The following JHY variants were observed in gnomAD, a reference collection of about 807,000 sequenced individuals.
JHY encodes junctional cadherin complex regulator, also known as jhy protein homolog.
JHY carries 69 observed loss-of-function variants against 78.0 expected under a neutral mutation model. That is an observed-to-expected ratio of 0.88 (90% confidence interval 0.73 to 1.08). JHY has a LOEUF of 1.08. Ranked by LOEUF, JHY falls within the 50% of genes least tolerant of loss-of-function variation. The probability of loss-of-function intolerance (pLI) is 0.00; values close to 1 mark genes in which losing one functional copy is unlikely to be tolerated. For synonymous variants in JHY, 368 were observed against 342.6 expected, an observed-to-expected ratio of 1.07 and a Z score of -0.82; for missense variants, 944 against 927.8, an observed-to-expected ratio of 1.02 and a Z score of -0.23.
In JHY at chr11:122,883,495, C is replaced by T. The variant is rs1373903315; in HGVS notation, c.-90+523C>T. Among the ~76,000 whole-genome samples the T allele has an allele frequency of 6.6e-6, 1 of 152,164 alleles. No homozygotes were observed. The highest frequency in any genetic ancestry group is 2.4e-5 in the African/African-American group (1 of 41,424). On this transcript the variant is annotated intron_variant, in intron 1 of 8. Coordinates refer to ENST00000227349, the MANE Select transcript of JHY (RefSeq NM_024806.4). The surrounding 1 kb of genome is among the most constrained non-coding windows in gnomAD (Gnocchi z 4.4). ...GGGATCCCTGGGGAGCTGGCCGCTT[C>T]TTAGTCCCTAGGTGCCATCGGATCT...
intron 2 of JHY, among the ~76,000 whole-genome samples, chr11:122,895,277 CAT>C (rs142777781): frequency 0.016 from 2,418 of 152,308 alleles, 30 homozygotes; most frequent in Middle Eastern, 0.031. Context: ...TCAATAATAA[CAT>C]GTGCAGTTTC....
chr11:122,946,696 C>T lies in JHY; in HGVS notation c.1833C>T (p.Ser611=). ...ESESQLSSER[S]QRNQVKISRS... ...AATCCCAACTCAGTTCAGAGAGAAG[C>T]CAAAGAAACCAAGTGAAAATTAGCC... The change falls in exon 6 of 9, where the codon AGC becomes AGT. Residue 611 remains serine (S), a synonymous_variant. Transcript: ENST00000227349. 1.2e-6 allele frequency: 2 copies of T among 1,613,928 alleles called. No homozygotes were observed. Among genetic ancestry groups the T allele is most frequent in the East Asian group, 4.5e-5 (2 of 44,864 alleles).
At chr11:122,949,905 C>T (rs1200078172) in intron 6 of JHY, among the ~76,000 whole-genome samples, 1 of 149,972 alleles carries the variant, frequency 6.7e-6, no homozygotes, top group African/African-American at 2.5e-5. Flanking sequence ...GAAGCAATCT[C>T]GGCTCACTGC....
Position 122,962,803 on chromosome 11 carries a change from G to A in JHY, c.*3358G>A, listed in dbSNP as rs950714042. On this transcript the variant is annotated 3_prime_UTR_variant, in exon 9 of 9. Coordinates refer to ENST00000227349, the MANE Select transcript of JHY (RefSeq NM_024806.4). ...GTTTTTCAGAAGATGAAATGGAGGT[G>A]AAGAGAAAGGTTACATGACTCGGAA... 1.3e-4 allele frequency among the ~76,000 whole-genome samples: 20 copies of A among 152,312 alleles called. No individual in the cohort carries two copies. Among genetic ancestry groups the A allele is most frequent in the African/African-American group, 4.8e-4 (20 of 41,572 alleles).
chr11:122,961,778 G>A lies in JHY; in HGVS notation c.*2333G>A, dbSNP rs1864321503. 6.6e-6 allele frequency among the ~76,000 whole-genome samples: 1 copy of A among 152,072 alleles called. No homozygotes were observed. The highest frequency in any genetic ancestry group is 6.6e-5 in the Admixed American group (1 of 15,254). On this transcript the variant is annotated 3_prime_UTR_variant, in exon 9 of 9. Transcript: ENST00000227349. Reference sequence around the variant, plus strand: ...TCTTGCAATAAAGTGACAATTGAATGAAACACAAATAAATAAAGAATAAAG... The same window carrying A: ...TCTTGCAATAAAGTGACAATTGAATAAAACACAAATAAATAAAGAATAAAG...
In JHY at chr11:122,934,832, T is replaced by G; in HGVS notation, c.1391T>G (p.Leu464Arg). The change falls in exon 5 of 9, where the codon CTG becomes CGG. Residue 464 changes from leucine (L) to arginine (R), a missense_variant. Physicochemically the swap from Leu to Arg is moderately radical, Grantham distance 102. Coordinates refer to ENST00000227349, the MANE Select transcript of JHY (RefSeq NM_024806.4). The part of the protein sequence containing the change: ...SKNSTGCDSG[L>R]NVNKERGHKD... ...AACTCTACTGGATGTGACTCTGGGC[T>G]GAATGTTAATAAAGAAAGAGGACAC... 6.2e-7 allele frequency: 1 copy of G among 1,614,078 alleles called. No individual in the cohort carries two copies. Among genetic ancestry groups the G allele is most frequent in the Non-Finnish European group, 8.5e-7 (1 of 1,180,016 alleles).
rs777542054 is a variant in JHY, at chr11:122,904,400, C to T, written c.820C>T (p.Leu274Phe). 15 of 1,613,850 alleles carry T rather than the reference C, an allele frequency of 9.3e-6. No homozygotes were observed. Among genetic ancestry groups the T allele is most frequent in the Non-Finnish European group, 1.2e-5 (14 of 1,179,830 alleles). ...GLPTPKTDSY[L>F]QLHNKKRGES... The stretch of plus-strand genomic sequence containing the variant: ...ACCCACCCCGAAAACGGACTCTTAT[C>T]TTCAACTTCACAATAAAAAAAGAGG... The change falls in exon 3 of 9, where the codon CTT (leucine) becomes TTT (phenylalanine). Residue 274 changes from leucine (L) to phenylalanine (F), a missense_variant. Transcript: ENST00000227349.
intron 4 of JHY, 115 bp from the exon 5 acceptor site, chr11:122,934,305 C>T: frequency 1.8e-6 from 1 of 545,488 alleles, no homozygotes; most frequent in Non-Finnish European, 2.5e-6. Context: ...GACAGTGAGA[C>T]TCCGTCTCAA....
rs534708802 is a variant in JHY, at chr11:122,932,271, C to A, written c.979-2149C>A. On this transcript the variant is annotated intron_variant, in intron 4 of 8. Transcript: ENST00000227349. ...ATCAAGCCCATAAATGGCTTCCTTT[C>A]TGGGGACTGAAATGCCATCTCTGGG... 3.9e-5 allele frequency among the ~76,000 whole-genome samples: 6 copies of A among 152,250 alleles called. No individual in the cohort carries two copies. The South Asian group carries it at 6.2e-4, about 16-fold the overall frequency.
intron 6 of JHY, among the ~76,000 whole-genome samples, chr11:122,952,685 GTGTCT>G (rs568198312): frequency 1.3e-5 from 2 of 152,328 alleles, no homozygotes; most frequent in South Asian, 4.1e-4. Context: ...GCATCACAAT[GTGTCT>G]TTTGTAAGTC....
chr11:122,927,552 T>G (rs7115198), intron 4 of JHY, among the ~76,000 whole-genome samples: 35,456 of 151,878 alleles, frequency 0.23, 4,661 homozygotes, highest in Non-Finnish European at 0.3. Flanking sequence ...GTCCAATGCC[T>G]TCTTTTTAGT....
intron 6 of JHY, among the ~76,000 whole-genome samples, chr11:122,947,719 G>A (rs1177016693): frequency 1.3e-5 from 2 of 152,178 alleles, no homozygotes; most frequent in African/African-American, 2.4e-5. Flanking sequence ...CATGCAGGAG[G>A]TCTCTAGACT....
At chr11:122,922,609 G>C (rs1395504085) in intron 3 of JHY, among the ~76,000 whole-genome samples, 3 of 151,902 alleles carry the variant, frequency 2.0e-5, no homozygotes, top group Admixed American at 2.0e-4. Context: ...AGGAGATAGA[G>C]ACCATCCTGG....
Position 122,885,916 on chromosome 11 carries a change from G to A in JHY, c.67G>A (p.Val23Ile). Residue 23 changes from valine to isoleucine, a missense_variant, in exon 2 of 9, where the codon GTC (valine) becomes ATC (isoleucine). Transcript: ENST00000227349. ...TCCTGTCCTTCATACCAACTTAAAT[G>A]TCCAGTCCACACACCCACCTTTGAA... ...QSPVLHTNLN[V>I]QSTHPPLKKE... is the part of the protein sequence containing the mutation. 6.2e-7 allele frequency: 1 copy of A among 1,614,028 alleles called. No homozygotes were observed. Among genetic ancestry groups the A allele is most frequent in the South Asian group, 1.1e-5 (1 of 91,064 alleles).
Position 122,886,181 on chromosome 11 carries a change from G to T in JHY, c.332G>T (p.Gly111Val). 6.2e-7 allele frequency: 1 copy of T among 1,610,624 alleles called. No individual in the cohort carries two copies. Among genetic ancestry groups the T allele is most frequent in the South Asian group, 1.1e-5 (1 of 90,774 alleles). The change falls in exon 2 of 9, where the codon GGC becomes GTC. Residue 111 changes from glycine to valine, a missense_variant. By Grantham distance (109) the Gly-to-Val change is moderately radical (BLOSUM62 -3). Transcript: ENST00000227349. ...CAAAACCACCATACCTGGGACCAGG[G>T]CGCCAATAACAGGTAAGGAATTGGC... ...REQNHHTWDQ[G>V]ANNRQQPIED... is the part of the protein sequence containing the mutation.
At position 122,885,935 on chromosome 11, in the gene JHY, C is replaced by A; in HGVS notation, c.86C>A (p.Pro29His). The A allele has an allele frequency of 6.2e-7, 1 of 1,614,128 alleles. No homozygotes were observed. Among genetic ancestry groups the A allele is most frequent in the African/African-American group, 1.3e-5 (1 of 75,034 alleles). Residue 29 changes from proline to histidine, a missense_variant, in exon 2 of 9, where the codon CCT becomes CAT. Pro to His is a moderately conservative substitution (Grantham distance 77). Coordinates refer to ENST00000227349, the MANE Select transcript of JHY (RefSeq NM_024806.4). ...TNLNVQSTHP[P>H]LKKEDLHRIS... ...TTAAATGTCCAGTCCACACACCCAC[C>A]TTTGAAGAAAGAAGACTTACATCGG...
Position 122,934,491 on chromosome 11 carries a change from C to T in JHY, c.1050C>T (p.Asp350=). 6.2e-7 allele frequency: 1 copy of T among 1,613,914 alleles called. No individual in the cohort carries two copies. The highest frequency in any genetic ancestry group is 8.5e-7 in the Non-Finnish European group (1 of 1,179,862). Residue 350 remains aspartate (D), a synonymous_variant, in exon 5 of 9, where the codon GAC becomes GAT. Transcript: ENST00000227349. The stretch of plus-strand genomic sequence containing the variant: ...ATGTACCAAGAGGGCAACCTTCTGA[C>T]ATGGTGAATGACCATCAACCTTCCA... ...SSNVPRGQPS[D]MVNDHQPSRR...
intron 2 of JHY, among the ~76,000 whole-genome samples, chr11:122,887,815 G>GT (rs1031104117): frequency 1.5e-3 from 221 of 152,246 alleles, no homozygotes; most frequent in African/African-American, 5.0e-3. Context: ...AATAGACTGA[G>GT]TAGGGGTCTG....
intron 5 of JHY, among the ~76,000 whole-genome samples, chr11:122,942,831 A>G (rs976121895): frequency 2.0e-5 from 3 of 152,012 alleles, no homozygotes; most frequent in Non-Finnish European, 2.9e-5. Context: ...GTTGCTTCCC[A>G]CATGTTTTAA....
Sources: gnomAD v4.1 joint callset for allele counts (sites outside exome capture counted in the v4.1 genomes callset) on GRCh38, gnomAD v4.1.1 for gene constraint, Gnocchi (gnomAD v3.1) non-coding constraint, MANE v1.5 for transcripts, NCBI Gene and HGNC (gene_info 2026-07-23, HGNC 2026-07-21) for gene names.